GNS: variants seen among roughly 807,000 people sequenced by gnomAD.
GNS encodes the protein glucosamine (N-acetyl)-6-sulfatase.
A neutral mutation model predicts 69.7 loss-of-function variants in GNS; 40 were observed. The observed-to-expected ratio is 0.57, with a 90% CI of 0.45 to 0.75. GNS has a LOEUF of 0.75. Ranked by LOEUF, GNS falls within the 30% of genes least tolerant of loss-of-function variation. The pLI, the probability that GNS is intolerant of heterozygous loss-of-function variation, is 0.00. For synonymous variants in GNS, 243 were observed against 251.6 expected, an observed-to-expected ratio of 0.97 and a Z score of 0.32; for missense variants, 565 against 685.5, an observed-to-expected ratio of 0.82 and a Z score of 1.96.
chr12:64,751,896 G>A (rs1335054480), intron 2 of GNS, among the ~76,000 whole-genome samples: 2 of 148,100 alleles, frequency 1.4e-5, no homozygotes, highest in Non-Finnish European at 3.0e-5. Flanking sequence ...GCTGAGGCAG[G>A]AGAACTGCTT....
At chr12:64,748,316 T>G (rs1287964551) in intron 2 of GNS, among the ~76,000 whole-genome samples, 2 of 151,206 alleles carry the variant, frequency 1.3e-5, no homozygotes, top group African/African-American at 4.9e-5. Context: ...TCCTCCCACC[T>G]CAGCCTCCCT....
intron 8 of GNS, among the ~76,000 whole-genome samples, chr12:64,738,584 A>G (rs567034269): frequency 6.6e-6 from 1 of 152,098 alleles, no homozygotes; most frequent in East Asian, 1.9e-4. Context: ...AGGCTGAGGT[A>G]GGCAGATTAC....
At chr12:64,725,171 A>T (rs2136238840) in intron 10 of GNS, among the ~76,000 whole-genome samples, 1 of 152,322 alleles carries the variant, frequency 6.6e-6, no homozygotes, top group East Asian at 1.9e-4. Flanking sequence ...ATGTCTGACC[A>T]AATTTGAGAC....
In GNS at chr12:64,716,326, T is replaced by C. The variant is rs1397574803; in HGVS notation, c.*415A>G. Reference sequence around the variant, plus strand: ...CAATCTGAAATGCTACACAGGTCCTTTGACTTTAGGTCAAGCTTACATATC... The same window carrying C: ...CAATCTGAAATGCTACACAGGTCCTCTGACTTTAGGTCAAGCTTACATATC... On this transcript the variant is annotated 3_prime_UTR_variant, in exon 14 of 14. Transcript: ENST00000258145. 2 of 266,770 alleles carry C rather than the reference T, an allele frequency of 7.5e-6. No homozygotes were observed. Among genetic ancestry groups the C allele is most frequent in the African/African-American group, 4.4e-5 (2 of 45,900 alleles). 16.5% of individuals were successfully genotyped at this position (266,770 alleles called of 1,614,324 possible).
At chr12:64,730,963 A>T (rs1240510757) in intron 9 of GNS, among the ~76,000 whole-genome samples, 1 of 152,218 alleles carries the variant, frequency 6.6e-6, no homozygotes, top group African/African-American at 2.4e-5. Flanking sequence ...GAGGAAACAT[A>T]AAAAAACCCA....
chr12:64,759,091 G>A lies in GNS; in HGVS notation c.186C>T (p.Gly62=). ...LLTDDQDEVL[G]GMTPLKKTKA... is the part of the protein sequence containing the mutation. ...GCAGAAACAGAAGAGTTACCATGCC[G>A]CCGAGCACTTCGTCCTGGTCGTCCG... Residue 62 remains glycine, a synonymous_variant, in exon 1 of 14, where the codon GGC becomes GGT. Transcript: ENST00000258145. The A allele has an allele frequency of 6.4e-7, 1 of 1,560,828 alleles. No individual in the cohort carries two copies. Among genetic ancestry groups the A allele is most frequent in the Admixed American group, 1.9e-5 (1 of 52,054 alleles).
intron 10 of GNS, among the ~76,000 whole-genome samples, chr12:64,726,298 G>C (rs1194618177): frequency 6.6e-6 from 1 of 151,324 alleles, no homozygotes; most frequent in Non-Finnish European, 1.5e-5. Context: ...GGACAGATTC[G>C]TGGAGCAAAA....
At position 64,747,800 on chromosome 12, in the gene GNS, T is replaced by C; in HGVS notation, c.371A>G (p.Gln124Arg). Residue 124 changes from glutamine (Q) to arginine (R), a missense_variant, in exon 3 of 14, where the codon CAG becomes CGG. Physicochemically the swap from Gln to Arg is conservative, Grantham distance 43. This residue lies in a region of GNS where 181 missense variants were observed against 174.4 expected (regional missense o/e 1.04). Transcript: ENST00000258145. ...LEGNCSSKSW[Q>R]KIQEPNTFPA... ...GAAAGTATTTGGTTCTTGGATCTTC[T>C]GCCAGGACTTACTACTGCAGTTCCC... 1.2e-6 allele frequency: 2 copies of C among 1,611,356 alleles called. No individual in the cohort carries two copies. The highest frequency in any genetic ancestry group is 1.7e-6 in the Non-Finnish European group (2 of 1,177,410).
chr12:64,728,220 C>T (rs1329176848), intron 10 of GNS, among the ~76,000 whole-genome samples: 2 of 152,216 alleles, frequency 1.3e-5, no homozygotes, highest in East Asian at 1.9e-4. Context: ...GCCACCGCGC[C>T]TGGCCGACAC....
At position 64,759,222 on chromosome 12, in the gene GNS, G is replaced by A. The variant is rs1307936431; in HGVS notation, c.55C>T (p.Leu19=). ...GRLRRGSPRH[L]PSCSPALLLL... ...AGCAGCGCTGGGCTGCAGGAGGGCA[G>A]GTGGCGGGGGCTGCCCCGCCGGAGC... The change falls in exon 1 of 14, where the codon CTG becomes TTG. Residue 19 remains leucine (L), a synonymous_variant. Coordinates refer to ENST00000258145, the MANE Select transcript of GNS (RefSeq NM_002076.4). 1.2e-5 allele frequency: 18 copies of A among 1,545,946 alleles called. No individual in the cohort carries two copies. The highest frequency in any genetic ancestry group is 1.5e-5 in the Non-Finnish European group (17 of 1,145,080).
chr12:64,723,364 T>C (rs1455875681), intron 10 of GNS, among the ~76,000 whole-genome samples: 3 of 152,178 alleles, frequency 2.0e-5, no homozygotes, highest in Non-Finnish European at 4.4e-5. Flanking sequence ...CTTCTGTGAA[T>C]CAGGTCAGGA....
chr12:64,744,273 G>C (rs532508209), intron 5 of GNS, among the ~76,000 whole-genome samples: 28 of 152,302 alleles, frequency 1.8e-4, no homozygotes, highest in African/African-American at 6.7e-4. Context: ...TTCATTTACT[G>C]TTGAACACTG....
chr12:64,739,661 C>T (rs1239221975), intron 7 of GNS, among the ~76,000 whole-genome samples, 162 bp from the exon 8 acceptor site: 2 of 150,846 alleles, frequency 1.3e-5, no homozygotes, highest in Non-Finnish European at 3.0e-5. Flanking sequence ...TTGCAAAACA[C>T]TCTCCCCCAA....
intron 2 of GNS, among the ~76,000 whole-genome samples, chr12:64,748,690 A>G (rs932103463): frequency 1.3e-5 from 2 of 152,126 alleles, no homozygotes; most frequent in African/African-American, 4.8e-5. Flanking sequence ...TACTGTAATT[A>G]TATTTCCATT....
rs781683054 is a variant in GNS, at chr12:64,728,919, G to T, written c.1200+37C>A. ...TTTACACAACCCAGAATTTATTGCG[G>T]TCTTGGCTCAGGCCTGATTGAGGGC... On this transcript the variant is annotated intron_variant, in intron 10 of 13. Coordinates refer to ENST00000258145, the MANE Select transcript of GNS (RefSeq NM_002076.4). The T allele has an allele frequency of 1.2e-5, 11 of 922,466 alleles. No homozygotes were observed. In the South Asian group the frequency reaches 1.4e-4, roughly 12 times the overall value. The allele number at this position is 922,466 out of a possible 1,614,324, so 57.1% of individuals were successfully genotyped here.
chr12:64,721,223 T>C (rs553480809), intron 12 of GNS, among the ~76,000 whole-genome samples: 3 of 152,288 alleles, frequency 2.0e-5, no homozygotes, highest in South Asian at 2.1e-4. Flanking sequence ...TACAGCAGCA[T>C]TGGATTATGC....
At chr12:64,759,064 G>A (rs1870380008) in intron 1 of GNS, 21 bp downstream of exon 1, 1 of 1,544,790 alleles carries the variant, frequency 6.5e-7, no homozygotes, top group Non-Finnish European at 8.8e-7. Context: ...TAGAGGGGCG[G>A]GGCAGAAACA....
chr12:64,745,204 CTTTTTTTTTTTTTT>C lies in GNS; in HGVS notation c.526-311_526-298del, dbSNP rs141453545. ...AAGGAGTGACTCACAAGTCAATAGA[CTTTTTTTTTTTTTT>C]TTTTTTTTTTTTTTTTAAAGAGACA... On this transcript the variant is annotated intron_variant, in intron 4 of 13. Coordinates refer to ENST00000258145, the MANE Select transcript of GNS (RefSeq NM_002076.4). 9.4e-4 allele frequency among the ~76,000 whole-genome samples: 40 copies of C among 42,356 alleles called. No individual in the cohort carries two copies. The East Asian group carries it at 0.026, about 28-fold the overall frequency. The allele number at this position is 42,356 out of a possible 152,430, so 27.8% of individuals were successfully genotyped here. A position where few individuals can be genotyped will look rare whatever the true frequency, so the allele number is the denominator to read the frequency against.
chr12:64,718,092 T>G (rs1460151924), intron 13 of GNS, among the ~76,000 whole-genome samples: 2 of 152,170 alleles, frequency 1.3e-5, no homozygotes, highest in African/African-American at 4.8e-5. Flanking sequence ...TTCCCGCAGG[T>G]GGGGCTAGAT....
Sources: allele counts gnomAD v4.1 joint callset (sites outside exome capture counted in the v4.1 genomes callset), GRCh38; gene constraint gnomAD v4.1.1; regional missense constraint gnomAD v4.1.1; transcripts MANE v1.5; gene names NCBI Gene and HGNC (gene_info 2026-07-23, HGNC 2026-07-21).